The following RANBP2 variants were observed in gnomAD, a reference collection of about 807,000 sequenced individuals.
RANBP2 encodes the protein E3 SUMO-protein ligase RanBP2.
A neutral mutation model predicts 303.6 loss-of-function variants in RANBP2; 57 were observed. That is an observed-to-expected ratio of 0.19 (90% confidence interval 0.15 to 0.23). The LOEUF is 0.23. RANBP2 is among the 10% of genes least tolerant of loss of function. The pLI is 1.00. For synonymous variants in RANBP2, 1,167 were observed against 1,301.5 expected (o/e 0.90, Z 2.23); for missense variants, 3,138 against 3,780.8 (o/e 0.83, Z 4.46).
the RANBP2 span, chr2:108,876,110 C>T: frequency 6.3e-7 from 1 of 1,599,630 alleles, no homozygotes; most frequent in African/African-American, 1.3e-5. Flanking sequence ...GCTCTTTGAA[C>T]TTTTTACGAT....
chr2:109,568,026 A>G, the RANBP2 span: 1 of 1,374,834 alleles, frequency 7.3e-7, no homozygotes, highest in East Asian at 2.4e-5. Context: ...TTTTTTTTTA[A>G]TCCTGCAGCT....
At chr2:109,232,676 G>A in the RANBP2 span, among the ~76,000 whole-genome samples, 2 of 152,116 alleles carry the variant, frequency 1.3e-5, no homozygotes, top group Non-Finnish European at 2.9e-5. Flanking sequence ...GAGAAATGTG[G>A]GATCATCCAA....
chr2:109,156,749 T>C, the RANBP2 span, among the ~76,000 whole-genome samples: 1 of 152,044 alleles, frequency 6.6e-6, no homozygotes, highest in African/African-American at 2.4e-5. Context: ...GGCCTGAATT[T>C]TAAGTTTTTT....
chr2:108,795,150 A>ATTTTTTTTTTTTTTTTTTTTT, the RANBP2 span, among the ~76,000 whole-genome samples: 1 of 85,012 alleles, frequency 1.2e-5, no homozygotes, highest in Non-Finnish European at 2.1e-5. Context: ...TCTAAAGTGT[A>ATTTTTTTTTTTTTTTTTTTTT]TTTTTTTTTT....
the RANBP2 span, among the ~76,000 whole-genome samples, chr2:108,992,531 G>A: frequency 6.6e-6 from 1 of 152,196 alleles, no homozygotes; most frequent in Non-Finnish European, 1.5e-5. Flanking sequence ...AGATGCTCCT[G>A]TCTGGCAGCT....
chr2:109,110,732 T>C, the RANBP2 span, among the ~76,000 whole-genome samples: 1 of 152,188 alleles, frequency 6.6e-6, no homozygotes, highest in Non-Finnish European at 1.5e-5. Context: ...TCTGTTTCTC[T>C]GGTGTGGAGC....
the RANBP2 span, among the ~76,000 whole-genome samples, chr2:109,720,183 T>A: frequency 4.6e-5 from 7 of 152,010 alleles, no homozygotes; most frequent in Admixed American, 4.6e-4. Context: ...ATACTGAACC[T>A]CCTCCTGCAC....
At chr2:109,259,959 C>T in the RANBP2 span, among the ~76,000 whole-genome samples, 1 of 152,130 alleles carries the variant, frequency 6.6e-6, no homozygotes, top group Non-Finnish European at 1.5e-5. Context: ...TTCTCAGACG[C>T]CCAGGGGTTT....
At chr2:108,907,475 G>A in the RANBP2 span, among the ~76,000 whole-genome samples, 4 of 151,928 alleles carry the variant, frequency 2.6e-5, no homozygotes, top group African/African-American at 4.8e-5. Context: ...GTGAAACCTC[G>A]TCTCTACTAA....
At chr2:109,239,961 G>T in the RANBP2 span, among the ~76,000 whole-genome samples, 5 of 152,216 alleles carry the variant, frequency 3.3e-5, no homozygotes, top group Non-Finnish European at 7.3e-5. Flanking sequence ...TAGTTGTAGT[G>T]GGGCTTGCAG....
chr2:109,488,933 A>T, the RANBP2 span, among the ~76,000 whole-genome samples: 7 of 152,194 alleles, frequency 4.6e-5, no homozygotes, highest in African/African-American at 1.7e-4. Flanking sequence ...CCCGTGCTGC[A>T]TGGCTCAGAG....
At chr2:108,852,719 T>G in the RANBP2 span, among the ~76,000 whole-genome samples, 1 of 151,854 alleles carries the variant, frequency 6.6e-6, no homozygotes, top group African/African-American at 2.4e-5. Context: ...CATGGATACA[T>G]AAGGGGAACA....
the RANBP2 span, among the ~76,000 whole-genome samples, chr2:109,524,620 G>T: frequency 6.6e-6 from 1 of 152,016 alleles, no homozygotes; most frequent in East Asian, 1.9e-4. Flanking sequence ...AGCCAGGCGT[G>T]GTGGAGCATG....
At chr2:109,017,792 C>T in the RANBP2 span, among the ~76,000 whole-genome samples, 3 of 152,310 alleles carry the variant, frequency 2.0e-5, no homozygotes, top group Non-Finnish European at 4.4e-5. Flanking sequence ...GGTACCCACA[C>T]CTGCACTAAT....
chr2:109,353,398 C>T, the RANBP2 span, among the ~76,000 whole-genome samples: 1 of 152,222 alleles, frequency 6.6e-6, no homozygotes, highest in East Asian at 1.9e-4. Context: ...GGAGGGAGCA[C>T]CCCACACTGA....
At chr2:108,977,537 T>C in the RANBP2 span, among the ~76,000 whole-genome samples, 3 of 152,180 alleles carry the variant, frequency 2.0e-5, no homozygotes, top group Admixed American at 2.0e-4. Context: ...CCCAAAGTGC[T>C]GGGATTACAG....
At chr2:108,781,219 A>T (rs1426862366) in intron 25 of RANBP2, 50 bp from the exon 26 acceptor site, 3 of 1,589,880 alleles carry the variant, frequency 1.9e-6, no homozygotes, top group Admixed American at 1.7e-5. Flanking sequence ...GGGGGATGAA[A>T]AATGTAAAAA....
the RANBP2 span, among the ~76,000 whole-genome samples, chr2:108,815,463 T>TTG: frequency 4.1e-5 from 5 of 121,230 alleles, no homozygotes; most frequent in African/African-American, 1.6e-4. Flanking sequence ...TTTTTGGTGT[T>TTG]TTTTTTTTTT....
chr2:109,245,964 G>A, the RANBP2 span, among the ~76,000 whole-genome samples: 1 of 152,186 alleles, frequency 6.6e-6, no homozygotes, highest in Admixed American at 6.5e-5. Flanking sequence ...TATAATGAAA[G>A]TCTCTAAGCT....
Sources: gnomAD v4.1 joint callset for allele counts (sites outside exome capture counted in the v4.1 genomes callset) on GRCh38, gnomAD v4.1.1 for gene constraint, MANE v1.5 for transcripts, NCBI Gene and HGNC (gene_info 2026-07-23, HGNC 2026-07-21) for gene names.